GARRE1: variants seen among roughly 807,000 people sequenced by gnomAD.
GARRE1 encodes the protein granule associated Rac and RHOG effector protein 1.
A neutral mutation model predicts 103.2 loss-of-function variants in GARRE1; 49 were observed. That is an observed-to-expected ratio of 0.47 (90% CI 0.38 to 0.60). The LOEUF (loss-of-function observed/expected upper bound fraction) is 0.60. Ranked by LOEUF, GARRE1 falls within the 20% of genes least tolerant of loss-of-function variation. GARRE1 has a pLI of 0.00. For missense variants in GARRE1, 1,199 were observed against 1,370.5 expected (o/e 0.87, Z 1.98); for synonymous variants, 505 against 532.8 (o/e 0.95, Z 0.72).
intron 10 of GARRE1, among the ~76,000 whole-genome samples, chr19:34,345,088 T>C (rs1044987824): frequency 2.0e-5 from 3 of 152,192 alleles, no homozygotes; most frequent in Non-Finnish European, 2.9e-5. Context: ...TCCGCCCACC[T>C]CGGCCTCCCA....
At chr19:34,313,211 A>G (rs995813684) in intron 2 of GARRE1, among the ~76,000 whole-genome samples, 4 of 152,220 alleles carry the variant, frequency 2.6e-5, no homozygotes, top group Non-Finnish European at 5.9e-5. Context: ...ATGTAAAGCT[A>G]GAGAACTGAA....
rs776601792 is a variant in GARRE1 at position 34,341,691 on chromosome 19, C to G, written c.1757C>G (p.Thr586Arg). 1.2e-6 allele frequency: 2 copies of G among 1,614,180 alleles called. No individual in the cohort carries two copies. Among genetic ancestry groups the G allele is most frequent in the Non-Finnish European group, 1.7e-6 (2 of 1,180,032 alleles). ...EKAKMPGNID[T>R]RLQSILNIGN... ...GCCAAAATGCCTGGCAATATTGATACAAGGTTACAAAGCATTTTGAACATT... is the reference window on the plus strand; with the variant it reads ...GCCAAAATGCCTGGCAATATTGATAGAAGGTTACAAAGCATTTTGAACATT... The change falls in exon 10 of 14, where the codon ACA (threonine) becomes AGA (arginine). Residue 586 changes from threonine to arginine, a missense_variant. Transcript: ENST00000299505.
At chr19:34,296,141 T>G (rs1398754707) in intron 1 of GARRE1, 2 of 331,380 alleles carry the variant, frequency 6.0e-6, no homozygotes, top group Non-Finnish European at 1.0e-5. Context: ...TTAGTCATCC[T>G]GGATCCCTCG....
intron 6 of GARRE1, among the ~76,000 whole-genome samples, chr19:34,328,488 C>T (rs2074122693): frequency 6.7e-6 from 1 of 149,506 alleles, no homozygotes; most frequent in Non-Finnish European, 1.5e-5. Context: ...GAGATTGCGC[C>T]ATTGCACTCC....
chr19:34,300,580 A>T lies in GARRE1; in HGVS notation c.107A>T (p.Glu36Val). The T allele has an allele frequency of 6.2e-7, 1 of 1,613,520 alleles. No individual in the cohort carries two copies. The highest frequency in any genetic ancestry group is 8.5e-7 in the Non-Finnish European group (1 of 1,180,044). The change falls in exon 2 of 14, where the codon GAG becomes GTG. Residue 36 changes from glutamate to valine, a missense_variant. By Grantham distance (121) the Glu-to-Val change is moderately radical. Coordinates refer to ENST00000299505, the MANE Select transcript of GARRE1 (RefSeq NM_014686.5). ...CAGCACCAGCAATACCCGATGCCTG[A>T]GCTGGGCCGAGCACTGAGTGCTCCC... is the stretch of plus-strand genomic sequence containing the variant. ...VQQHQQYPMP[E>V]LGRALSAPLA...
At chr19:34,295,356 C>A (rs934833418) in intron 1 of GARRE1, among the ~76,000 whole-genome samples, 2 of 152,114 alleles carry the variant, frequency 1.3e-5, no homozygotes, top group African/African-American at 4.8e-5. Context: ...AGCCTATTTC[C>A]AGAGTTCTGA....
At chr19:34,257,383 G>T (rs2073681002) in intron 1 of GARRE1, among the ~76,000 whole-genome samples, 2 of 151,966 alleles carry the variant, frequency 1.3e-5, no homozygotes, top group Non-Finnish European at 2.9e-5. Flanking sequence ...TGTCCCCGAG[G>T]CTGGAGTGCA....
chr19:34,347,213 C>T (rs1276808177), intron 10 of GARRE1, among the ~76,000 whole-genome samples: 3 of 151,972 alleles, frequency 2.0e-5, no homozygotes, highest in Admixed American at 6.6e-5. Context: ...CTCAGCTTCC[C>T]GAGTAGCTGG....
intron 12 of GARRE1, among the ~76,000 whole-genome samples, chr19:34,351,209 A>T (rs8105654): frequency 0.11 from 16,659 of 146,576 alleles, 1,559 homozygotes; most frequent in African/African-American, 0.24. Context: ...AAAAAAAAAA[A>T]AAAATAAAAT....
Position 34,349,005 on chromosome 19 carries a change from C to T in GARRE1, c.2688-11C>T, listed in dbSNP as rs1224702975. 4.3e-6 allele frequency: 7 copies of T among 1,609,572 alleles called. No homozygotes were observed. The highest frequency in any genetic ancestry group is 5.9e-6 in the Non-Finnish European group (7 of 1,179,888). ...GGAGGCCCTGGCCCAGCTTCTCTCT[C>T]TGGCTTTCAGGGATGGCCTGCACGG... is the stretch of plus-strand genomic sequence containing the variant. On this transcript the variant is annotated splice_polypyrimidine_tract_variant and intron_variant, in intron 11 of 13. Transcript: ENST00000299505.
chr19:34,290,201 C>A (rs1292664214), intron 1 of GARRE1, among the ~76,000 whole-genome samples: 1 of 151,828 alleles, frequency 6.6e-6, no homozygotes, highest in Non-Finnish European at 1.5e-5. Context: ...ATAAAAAATA[C>A]AAAAATTAAC....
intron 1 of GARRE1, among the ~76,000 whole-genome samples, chr19:34,266,601 C>G (rs2073753193): frequency 6.6e-6 from 1 of 152,126 alleles, no homozygotes; most frequent in African/African-American, 2.4e-5. Context: ...ACCTCGGCCT[C>G]CCAAAGTGCT....
At chr19:34,291,560 A>G (rs976572370) in intron 1 of GARRE1, among the ~76,000 whole-genome samples, 2 of 152,178 alleles carry the variant, frequency 1.3e-5, no homozygotes, top group Non-Finnish European at 2.9e-5. Context: ...AGGTGGAAGG[A>G]CAGGAGAGCT....
rs1191774109 is a variant in GARRE1, at chr19:34,300,541, A to G, written c.68A>G (p.Lys23Arg). The change falls in exon 2 of 14, where the codon AAG becomes AGG. Residue 23 changes from lysine (K) to arginine (R), a missense_variant. Coordinates refer to ENST00000299505, the MANE Select transcript of GARRE1 (RefSeq NM_014686.5). Reference sequence around the variant, plus strand: ...CGGCGCTTCCTGCTTGGCGGGTCCAAGCAGAAGGTGCAGCAGCACCAGCAA... The same window carrying G: ...CGGCGCTTCCTGCTTGGCGGGTCCAGGCAGAAGGTGCAGCAGCACCAGCAA... Reference protein sequence around the residue: ...YKRRFLLGGSKQKVQQHQQYP... With the variant: ...YKRRFLLGGSRQKVQQHQQYP... The G allele has an allele frequency of 6.2e-6, 10 of 1,613,458 alleles. No individual in the cohort carries two copies. Among genetic ancestry groups the G allele is most frequent in the Non-Finnish European group, 8.5e-6 (10 of 1,179,950 alleles).
intron 1 of GARRE1, among the ~76,000 whole-genome samples, chr19:34,279,436 G>T (rs2073837758): frequency 6.6e-6 from 1 of 151,874 alleles, no homozygotes; most frequent in African/African-American, 2.4e-5. Context: ...CTCCCAAGTA[G>T]CTGGGACCAC....
chr19:34,339,814 A>C, intron 8 of GARRE1, 53 bp from the exon 9 acceptor site: 1 of 1,609,994 alleles, frequency 6.2e-7, no homozygotes, highest in Non-Finnish European at 8.5e-7. Context: ...CCTGCTTGAG[A>C]CACCTTTGCA....
At chr19:34,296,766 G>A (rs1165203086) in intron 1 of GARRE1, among the ~76,000 whole-genome samples, 3 of 152,066 alleles carry the variant, frequency 2.0e-5, no homozygotes, top group Admixed American at 6.6e-5. Context: ...CGCAGCTCCC[G>A]AAGCACCTAG....
intron 1 of GARRE1, among the ~76,000 whole-genome samples, chr19:34,277,910 C>G (rs867239111): frequency 1.8e-5 from 2 of 109,054 alleles, no homozygotes; most frequent in South Asian, 3.5e-4. Flanking sequence ...CACCCCCCCC[C>G]CCCACCCCCA....
At chr19:34,284,131 T>C (rs28539816) in intron 1 of GARRE1, among the ~76,000 whole-genome samples, 36 of 41,342 alleles carry the variant, frequency 8.7e-4, no homozygotes, top group African/African-American at 1.5e-3. Flanking sequence ...GGCTTTCTTT[T>C]TTTTTTTTTT....
Sources: gnomAD v4.1 joint callset for allele counts (sites outside exome capture counted in the v4.1 genomes callset) on GRCh38, gnomAD v4.1.1 for gene constraint, MANE v1.5 for transcripts, NCBI Gene and HGNC (gene_info 2026-07-23, HGNC 2026-07-21) for gene names.